Variants in MMP16 observed in about 807,000 individuals in gnomAD.
MMP16 encodes matrix metallopeptidase 16, also known as matrix metalloproteinase-16.
MMP16 carries 12 observed loss-of-function variants against 67.8 expected under a neutral mutation model. The observed-to-expected ratio is 0.18, with a 90% CI of 0.11 to 0.29. The LOEUF is 0.29. MMP16 is among the 10% of genes least tolerant of loss of function. The pLI is 1.00. For synonymous variants in MMP16, 249 were observed against 255.9 expected (o/e 0.97, Z 0.26); for missense variants, 475 against 765.7 (o/e 0.62, Z 4.48).
At chr8:88,208,980 G>C (rs1257452187) in intron 1 of MMP16, among the ~76,000 whole-genome samples, 1 of 151,946 alleles carries the variant, frequency 6.6e-6, no homozygotes, top group Admixed American at 6.6e-5. Flanking sequence ...TGCCAGATGA[G>C]GAAGAAGACG....
chr8:88,301,092 C>A (rs1237175726), intron 1 of MMP16, among the ~76,000 whole-genome samples: 2 of 152,032 alleles, frequency 1.3e-5, no homozygotes, highest in Middle Eastern at 3.2e-3. Context: ...TTATCTTGTA[C>A]AAAAAACAGT....
At chr8:88,185,808 A>G (rs1212926037) in intron 3 of MMP16, among the ~76,000 whole-genome samples, 1 of 152,112 alleles carries the variant, frequency 6.6e-6, no homozygotes, top group Non-Finnish European at 1.5e-5. Flanking sequence ...TTCTTTTTAT[A>G]ACAAGCATTG....
chr8:88,088,084 A>ATATATAATAGATATATAGATATC (rs1554577141), intron 6 of MMP16, among the ~76,000 whole-genome samples: 1 of 113,764 alleles, frequency 8.8e-6, no homozygotes, highest in Admixed American at 8.8e-5. Flanking sequence ...CTATATATCT[A>ATATATAATAGATATATAGATATC]TATATAATAG....
intron 1 of MMP16, among the ~76,000 whole-genome samples, chr8:88,238,546 A>G (rs1809982302): frequency 6.6e-6 from 1 of 151,626 alleles, no homozygotes. Flanking sequence ...CTTGTCTATA[A>G]TCCCAGCTAC....
intron 1 of MMP16, among the ~76,000 whole-genome samples, chr8:88,288,207 A>T (rs2130010801): frequency 6.6e-6 from 1 of 152,346 alleles, no homozygotes; most frequent in East Asian, 1.9e-4. Context: ...CAATATAACT[A>T]TTCCATTAGT....
intron 6 of MMP16, among the ~76,000 whole-genome samples, chr8:88,099,954 GC>G (rs1809106871): frequency 6.6e-6 from 1 of 151,948 alleles, no homozygotes; most frequent in Middle Eastern, 3.4e-3. Context: ...TGGTACTGAG[GC>G]AGCTACAAAG....
In MMP16 at chr8:88,039,224, C is replaced by T. The variant is rs1398009255; in HGVS notation, c.*2237G>A. ...ATTCCTGCTTTATATAAAAGCCACA[C>T]TGGCCATTCAAGTATTTGAGGTTTT... On this transcript the variant is annotated 3_prime_UTR_variant, in exon 10 of 10. Coordinates refer to ENST00000286614, the MANE Select transcript of MMP16 (RefSeq NM_005941.5). The surrounding 1 kb of genome is among the most constrained non-coding windows in gnomAD (Gnocchi z 4.5). The T allele has an allele frequency of 2.0e-5, 3 of 151,264 alleles. No homozygotes were observed. The highest frequency in any genetic ancestry group is 4.9e-5 in the African/African-American group (2 of 41,192). The allele number at this position is 151,264 out of a possible 1,614,324, so 9.4% of individuals were successfully genotyped here. A position where few individuals can be genotyped will look rare whatever the true frequency, so the allele number is the denominator to read the frequency against.
At chr8:88,082,467 C>T (rs1324415993) in intron 6 of MMP16, among the ~76,000 whole-genome samples, 2 of 152,042 alleles carry the variant, frequency 1.3e-5, no homozygotes, top group Non-Finnish European at 2.9e-5. Flanking sequence ...AGATGCAATA[C>T]ATTACAAAAT....
intron 1 of MMP16, among the ~76,000 whole-genome samples, chr8:88,213,048 T>A (rs1809535784): frequency 6.6e-6 from 1 of 152,028 alleles, no homozygotes; most frequent in South Asian, 2.1e-4. Flanking sequence ...GTTGAAAGCA[T>A]TTTTTTGTAT....
rs564644091 is a variant in MMP16 at position 88,131,940 on chromosome 8, AATG to A, written c.710-13082_710-13080del. 2.6e-5 allele frequency among the ~76,000 whole-genome samples: 4 copies of A among 151,980 alleles called. No homozygotes were observed. In the South Asian group the frequency reaches 8.3e-4, roughly 31 times the overall value. The stretch of plus-strand genomic sequence containing the variant: ...ACACATGAGAATTGAACTGTTTATG[AATG>A]ATTCCATTCATTACATTATGTCGTT... On this transcript the variant is annotated intron_variant, in intron 4 of 9. Transcript: ENST00000286614.
At chr8:88,239,294 C>CAAAAAA (rs34599512) in intron 1 of MMP16, among the ~76,000 whole-genome samples, 30 of 80,432 alleles carry the variant, frequency 3.7e-4, no homozygotes, top group South Asian at 1.1e-3. Context: ...GACGCAGTCT[C>CAAAAAA]AAAAAAAAAA....
Position 88,242,089 on chromosome 8 carries a change from C to T in MMP16, c.133-44783G>A, listed in dbSNP as rs1810042881. ...TTATTTTAAGCCACAGGGCAACATACATAATATTTTAGTGCTTGGATAGAA... is the reference window on the plus strand; with the variant it reads ...TTATTTTAAGCCACAGGGCAACATATATAATATTTTAGTGCTTGGATAGAA... On this transcript the variant is annotated intron_variant, in intron 1 of 9. Transcript: ENST00000286614. Among the ~76,000 whole-genome samples, 4 of 152,196 alleles carry T rather than the reference C, an allele frequency of 2.6e-5. No individual in the cohort carries two copies. In the South Asian group the frequency reaches 8.3e-4, roughly 32 times the overall value.
rs181822678 is a variant in MMP16, at chr8:88,305,841, A to G, written c.132+21234T>C. Among the ~76,000 whole-genome samples, 10 of 152,284 alleles carry G rather than the reference A, an allele frequency of 6.6e-5. No individual in the cohort carries two copies. In the East Asian group the frequency reaches 1.2e-3, roughly 18 times the overall value. ...ATGCCCACATCAAAAAGCTAGAAAG[A>G]TCTCAAGTTGACCACCTAACATCTC... On this transcript the variant is annotated intron_variant, in intron 1 of 9. Transcript: ENST00000286614.
intron 1 of MMP16, among the ~76,000 whole-genome samples, chr8:88,316,535 G>A (rs575218118): frequency 1.3e-5 from 2 of 152,232 alleles, no homozygotes; most frequent in Admixed American, 1.3e-4. Flanking sequence ...TTACAGCATG[G>A]TTTACTGAGT....
At chr8:88,074,781 A>G in intron 6 of MMP16, 38 bp from the exon 7 acceptor site, 1 of 1,597,612 alleles carries the variant, frequency 6.3e-7, no homozygotes, top group South Asian at 1.1e-5. Flanking sequence ...ACAAACACGT[A>G]GGCCTCCCTG....
chr8:88,115,361 A>G (rs193194313), intron 6 of MMP16, among the ~76,000 whole-genome samples: 87 of 152,180 alleles, frequency 5.7e-4, no homozygotes, highest in Non-Finnish European at 1.2e-3. Flanking sequence ...TAAGTTTATT[A>G]AACTACTTGA....
At chr8:88,235,517 T>G (rs190784499) in intron 1 of MMP16, among the ~76,000 whole-genome samples, 53 of 151,866 alleles carry the variant, frequency 3.5e-4, no homozygotes, top group Non-Finnish European at 5.4e-4. Context: ...TTGAGAAAAA[T>G]AGTACAGGGT....
chr8:88,036,374 A>G lies in MMP16; in HGVS notation c.*5087T>C, dbSNP rs1196759074. The G allele has an allele frequency of 6.6e-6, 1 of 151,856 alleles. No homozygotes were observed. Among genetic ancestry groups the G allele is most frequent in the Non-Finnish European group, 1.5e-5 (1 of 67,834 alleles). The allele number at this position is 151,856 out of a possible 1,614,324, so 9.4% of individuals were successfully genotyped here. A position where few individuals can be genotyped will look rare whatever the true frequency, so the allele number is the denominator to read the frequency against. On this transcript the variant is annotated 3_prime_UTR_variant, in exon 10 of 10. Transcript: ENST00000286614. ...GTGTTATAGTTTGTCTTTATATTTA[A>G]CAAAAGACTCATTTTTCCTCCTCCA...
At chr8:88,149,230 A>T (rs1808353229) in intron 4 of MMP16, among the ~76,000 whole-genome samples, 1 of 152,332 alleles carries the variant, frequency 6.6e-6, no homozygotes, top group East Asian at 1.9e-4. Context: ...AATCTCGCTG[A>T]TTGCTAGCAC....
Sources: allele counts gnomAD v4.1 joint callset (sites outside exome capture counted in the v4.1 genomes callset), GRCh38; gene constraint gnomAD v4.1.1; non-coding constraint Gnocchi (gnomAD v3.1); transcripts MANE v1.5; gene names NCBI Gene and HGNC (gene_info 2026-07-23, HGNC 2026-07-21).